Variants in LRRC37B observed in about 807,000 individuals in gnomAD.
The protein encoded by LRRC37B is leucine rich repeat containing 37B.
A neutral mutation model predicts 98.3 loss-of-function variants in LRRC37B; 28 were observed. The observed-to-expected ratio is 0.28, with a 90% CI of 0.21 to 0.39. The LOEUF (loss-of-function observed/expected upper bound fraction) is 0.39, where lower values mean the gene tolerates loss of function less well. Among genes scored for constraint, LRRC37B ranks in the 10% least tolerant of loss-of-function variants. The pLI is 1.00. For missense variants in LRRC37B, 938 were observed against 1,182.7 expected (o/e 0.79, Z 3.03); for synonymous variants, 364 against 442.7 (o/e 0.82, Z 2.23).
chr17:32,033,651 A>G (rs1319781760), intron 5 of LRRC37B, among the ~76,000 whole-genome samples: 1 of 152,228 alleles, frequency 6.6e-6, no homozygotes, highest in East Asian at 1.9e-4. Flanking sequence ...GTAGCAGCCT[A>G]ATAGATGCTC....
intron 1 of LRRC37B, among the ~76,000 whole-genome samples, chr17:32,014,887 T>A (rs570961935): frequency 1.3e-5 from 2 of 152,262 alleles, no homozygotes; most frequent in Admixed American, 1.3e-4. Context: ...ATCCCAGCAC[T>A]TTGGGAGGCC....
intron 6 of LRRC37B, among the ~76,000 whole-genome samples, chr17:32,035,224 G>A (rs1286044797): frequency 6.6e-6 from 1 of 151,962 alleles, no homozygotes; most frequent in East Asian, 1.9e-4. Flanking sequence ...ACACATGGAG[G>A]AATATTACTT....
At chr17:32,026,165 G>A (rs987798705) in intron 2 of LRRC37B, among the ~76,000 whole-genome samples, 4 of 152,188 alleles carry the variant, frequency 2.6e-5, no homozygotes, top group African/African-American at 9.7e-5. Context: ...ACAACAGTTT[G>A]TGTCACATCA....
In LRRC37B at chr17:32,049,421, C is replaced by A. The variant is rs774512703; in HGVS notation, c.2757+27C>A. 44 of 1,592,816 alleles carry A rather than the reference C, an allele frequency of 2.8e-5. 1 individual carries two copies. The Middle Eastern group carries it at 5.0e-4, about 18-fold the overall frequency. On this transcript the variant is annotated intron_variant, in intron 10 of 11. Transcript: ENST00000327564. ...TGAGGACCACACAGAAACATGAGAC[C>A]CAGATTTCCCATCATTTAGCGTATG...
At chr17:32,022,667 T>G (rs1910835718) in exon 1 of LRRC37B, 1 of 1,613,904 alleles carries the variant, frequency 6.2e-7, no homozygotes, top group Non-Finnish European at 8.5e-7. Flanking sequence ...AGTCTGAAAC[T>G]GCACCAGAGG....
intron 1 of LRRC37B, among the ~76,000 whole-genome samples, chr17:32,023,655 A>T (rs1022693412): frequency 3.3e-5 from 5 of 152,224 alleles, no homozygotes; most frequent in African/African-American, 1.2e-4. Flanking sequence ...GTGAGTGAAT[A>T]CATGGAACAC....
chr17:32,009,512 G>A (rs1422756838), intron 1 of LRRC37B, among the ~76,000 whole-genome samples: 1 of 152,132 alleles, frequency 6.6e-6, no homozygotes, highest in African/African-American at 2.4e-5. Flanking sequence ...GGGCTCAAGC[G>A]ATCTGCTGCC....
chr17:32,037,186 G>A (rs1911271642), intron 7 of LRRC37B, among the ~76,000 whole-genome samples: 1 of 151,946 alleles, frequency 6.6e-6, no homozygotes, highest in East Asian at 1.9e-4. Context: ...TCACCATGTT[G>A]GCCAGGCTGG....
intron 7 of LRRC37B, 109 bp downstream of exon 10, chr17:32,035,748 C>A: frequency 1.7e-6 from 2 of 1,180,724 alleles, no homozygotes; most frequent in South Asian, 1.4e-5. Context: ...TAACATTCAC[C>A]CTTTATAAGT....
At chr17:32,016,423 G>A (rs1426559578), upstream of LRRC37B, among the ~76,000 whole-genome samples, 6 of 152,120 alleles carry the variant, frequency 3.9e-5, no homozygotes, top group South Asian at 6.2e-4. Flanking sequence ...TTTTGTAGGC[G>A]TATATTAATG....
chr17:32,027,315 G>A (rs769032083), intron 2 of LRRC37B, among the ~76,000 whole-genome samples: 20 of 152,098 alleles, frequency 1.3e-4, no homozygotes, highest in Non-Finnish European at 2.5e-4. Flanking sequence ...GGAGCAGTGT[G>A]CTTGTGTGTG....
exon 1 of LRRC37B, chr17:32,021,275 G>A: frequency 6.2e-7 from 1 of 1,613,138 alleles, no homozygotes; most frequent in South Asian, 1.1e-5. Flanking sequence ...ACCCCCTGGG[G>A]CCACCTGAGC....
At chr17:32,024,641 A>G in intron 1 of LRRC37B, 70 bp from the exon 5 acceptor site, 2 of 1,605,192 alleles carry the variant, frequency 1.2e-6, no homozygotes, top group Non-Finnish European at 8.5e-7. Context: ...CAAGGTTGCC[A>G]TGATTCTTTT....
At chr17:32,021,940 A>G in exon 1 of LRRC37B, 1 of 1,614,062 alleles carries the variant, frequency 6.2e-7, no homozygotes, top group Non-Finnish European at 8.5e-7. Context: ...CTAGAGCCCA[A>G]AAGTCAAAAT....
chr17:32,016,363 C>T (rs1910648628), upstream of LRRC37B, among the ~76,000 whole-genome samples: 1 of 152,162 alleles, frequency 6.6e-6, no homozygotes, highest in South Asian at 2.1e-4. Flanking sequence ...CTTTGGTTCT[C>T]CGTTTTTCTT....
At chr17:32,040,433 G>A in intron 7 of LRRC37B, 1 of 550,404 alleles carries the variant, frequency 1.8e-6, no homozygotes, top group Non-Finnish European at 3.4e-6. Flanking sequence ...GCGGGAGGCA[G>A]CCTGTCGGTT....
chr17:32,024,893 C>A, intron 2 of LRRC37B, 111 bp downstream of exon 5: 6 of 1,384,390 alleles, frequency 4.3e-6, no homozygotes, highest in Non-Finnish European at 5.9e-6. Context: ...CCCTCCATAC[C>A]CCAAATCAGC....
At chr17:32,013,968 C>T (rs1910594919) in intron 1 of LRRC37B, among the ~76,000 whole-genome samples, 1 of 152,162 alleles carries the variant, frequency 6.6e-6, no homozygotes, top group South Asian at 2.1e-4. Flanking sequence ...CTCCTTCAAA[C>T]ATCCCTCTTA....
chr17:32,026,286 A>C (rs1910950069), intron 2 of LRRC37B, among the ~76,000 whole-genome samples: 2 of 152,210 alleles, frequency 1.3e-5, no homozygotes, highest in Admixed American at 1.3e-4. Flanking sequence ...AGTTCGAGGC[A>C]GGTGGATCAC....
Sources: allele counts gnomAD v4.1 joint callset (sites outside exome capture counted in the v4.1 genomes callset), GRCh38; gene constraint gnomAD v4.1.1; transcripts MANE v1.5; gene names NCBI Gene and HGNC (gene_info 2026-07-23, HGNC 2026-07-21).